The following AK9 variants were observed in gnomAD, a reference collection of about 807,000 sequenced individuals.
The protein encoded by AK9 is adenylate kinase domain containing 1.
A neutral mutation model predicts 239.6 loss-of-function variants in AK9; 191 were observed. The observed-to-expected ratio is 0.80, with a 90% confidence interval of 0.71 to 0.90. The LOEUF (loss-of-function observed/expected upper bound fraction) is 0.90. Among genes scored for constraint, AK9 ranks in the 40% least tolerant of loss-of-function variants. The pLI, the probability that AK9 is intolerant of heterozygous loss-of-function variation, is 0.00. For missense variants in AK9, 1,995 were observed against 2,214.7 expected (o/e 0.90, Z 1.99); for synonymous variants, 689 against 721.0 (o/e 0.96, Z 0.71).
chr6:109,681,693 G>C (rs1772665452), intron 1 of AK9, among the ~76,000 whole-genome samples: 1 of 152,094 alleles, frequency 6.6e-6, no homozygotes, highest in East Asian at 1.9e-4. Flanking sequence ...CACATAATTG[G>C]AAGTAAAACA....
Position 109,612,054 on chromosome 6 carries a change from T to A in AK9, c.1649A>T (p.His550Leu). Residue 550 changes from histidine to leucine, a missense_variant, in exon 16 of 41, where the codon CAT (histidine) becomes CTT (leucine). Coordinates refer to ENST00000424296, the MANE Select transcript of AK9 (RefSeq NM_001145128.3). ...ETGETFTFKRHSQDASQDVKL... is the reference protein window; with the variant it reads ...ETGETFTFKRLSQDASQDVKL... The stretch of plus-strand genomic sequence containing the variant: ...TACATCTTGACTAGCATCTTGAGAA[T>A]GCCTTTTAAATGTGAATGTTTCACC... The A allele has an allele frequency of 6.5e-7, 1 of 1,541,222 alleles. No homozygotes were observed. Among genetic ancestry groups the A allele is most frequent in the South Asian group, 1.2e-5 (1 of 81,890 alleles).
chr6:109,679,334 C>T (rs560060102), intron 1 of AK9, among the ~76,000 whole-genome samples: 2 of 108,434 alleles, frequency 1.8e-5, no homozygotes, highest in East Asian at 4.3e-4. Flanking sequence ...TAAACAAAGC[C>T]TTGGGGAAGT....
chr6:109,594,188 G>A (rs918749582), intron 17 of AK9, among the ~76,000 whole-genome samples: 2 of 152,166 alleles, frequency 1.3e-5, no homozygotes, highest in Non-Finnish European at 2.9e-5. Context: ...CAAAATCAGT[G>A]TGCAAAAATC....
intron 5 of AK9, among the ~76,000 whole-genome samples, chr6:109,666,512 T>C (rs778226800): frequency 2.6e-5 from 4 of 152,186 alleles, no homozygotes; most frequent in East Asian, 1.9e-4. Flanking sequence ...TGTTCTATCA[T>C]AGGCAGACTA....
chr6:109,610,366 T>G lies in AK9; in HGVS notation c.1841A>C (p.Glu614Ala). The change falls in exon 17 of 41, where the codon GAG becomes GCG. Residue 614 changes from glutamate to alanine, a missense_variant and splice_region_variant. By Grantham distance (107) the Glu-to-Ala change is moderately radical (BLOSUM62 -1). Around this residue, in one of 5 missense-constraint regions of AK9, gnomAD observed 1,290 missense variants for 1,392.7 expected, o/e 0.93. Coordinates refer to ENST00000424296, the MANE Select transcript of AK9 (RefSeq NM_001145128.3). Reference protein sequence around the residue: ...HAEILQEVLGEVMEENKDRFP... With the variant: ...HAEILQEVLGAVMEENKDRFP... Reference sequence around the variant, plus strand: ...GAATTGCCCAGCTAGATTTTTTACCTCTCCAAGGACTTCCTGTAAGATTTC... The same window carrying G: ...GAATTGCCCAGCTAGATTTTTTACCGCTCCAAGGACTTCCTGTAAGATTTC... 6.4e-7 allele frequency: 1 copy of G among 1,551,238 alleles called. No individual in the cohort carries two copies. Among genetic ancestry groups the G allele is most frequent in the South Asian group, 1.2e-5 (1 of 83,966 alleles).
chr6:109,570,294 G>C (rs959427177), intron 21 of AK9, among the ~76,000 whole-genome samples: 12 of 151,968 alleles, frequency 7.9e-5, no homozygotes, highest in Admixed American at 3.9e-4. Context: ...GTGGGGGAAG[G>C]GGGGAGGGAT....
rs1373801579 is a variant in AK9, at chr6:109,531,477, C to T, written c.3570+1774G>A. Among the ~76,000 whole-genome samples the T allele has an allele frequency of 4.6e-5, 7 of 152,040 alleles. No individual in the cohort carries two copies. In the East Asian group the frequency reaches 1.3e-3, roughly 29 times the overall value. On this transcript the variant is annotated intron_variant, in intron 28 of 40. Transcript: ENST00000424296. ...TCTAGGATGTGGCTTCATTGCCCTA[C>T]AGCTGTTCTGTCCAGTACAACAGCC...
In AK9 at chr6:109,509,039, T is replaced by C. The variant is rs115562974; in HGVS notation, c.4481+140A>G. On this transcript the variant is annotated intron_variant, in intron 33 of 40. Transcript: ENST00000424296. ...CAGAAAATTCAAATATGTAACCATA[T>C]AGGTGCCCAGAGTTTGAGAGAAGTA... 8.7e-4 allele frequency: 794 copies of C among 913,234 alleles called. 5 individuals carry two copies. In the African/African-American group the frequency reaches 0.012, roughly 14 times the overall value. The allele number at this position is 913,234 out of a possible 1,614,324, so 56.6% of individuals were successfully genotyped here. A position where few individuals can be genotyped will look rare whatever the true frequency, so the allele number is the denominator to read the frequency against.
chr6:109,685,185 T>C (rs1198695565), intron 1 of AK9, among the ~76,000 whole-genome samples: 1 of 152,070 alleles, frequency 6.6e-6, no homozygotes, highest in Admixed American at 6.6e-5. Context: ...TCCTCAAGGA[T>C]CTAGAACCAG....
intron 28 of AK9, among the ~76,000 whole-genome samples, chr6:109,532,148 A>T (rs1413800700): frequency 6.6e-6 from 1 of 152,194 alleles, no homozygotes; most frequent in Non-Finnish European, 1.5e-5. Flanking sequence ...AAATTAATAG[A>T]TGAGCTCTCT....
At chr6:109,525,260 T>C (rs1344075101) in intron 29 of AK9, among the ~76,000 whole-genome samples, 3 of 152,100 alleles carry the variant, frequency 2.0e-5, no homozygotes, top group African/African-American at 7.2e-5. Flanking sequence ...TGGACAAATA[T>C]TTTATGACAA....
rs781266246 is a variant in AK9, at chr6:109,506,429, T to G, written c.4747A>C (p.Ile1583Leu). The G allele has an allele frequency of 1.2e-6, 2 of 1,613,882 alleles. No homozygotes were observed. The highest frequency in any genetic ancestry group is 1.7e-6 in the Non-Finnish European group (2 of 1,179,946). The change falls in exon 35 of 41, where the codon ATT becomes CTT. Residue 1583 changes from isoleucine (I) to leucine (L), a missense_variant. Around this residue, in one of 5 missense-constraint regions of AK9, gnomAD observed 391 missense variants for 456.0 expected, o/e 0.86. Coordinates refer to ENST00000424296, the MANE Select transcript of AK9 (RefSeq NM_001145128.3). ...YQEQHQNWYV[I>L]DGFHSKWWVW... ...CACCATTTGCTGTGAAATCCATCAA[T>G]CACATACCAGTTCTGATGCTGTTCT... is the stretch of plus-strand genomic sequence containing the variant.
intron 8 of AK9, among the ~76,000 whole-genome samples, chr6:109,651,373 G>C (rs891526432): frequency 6.6e-6 from 1 of 152,072 alleles, no homozygotes; most frequent in Non-Finnish European, 1.5e-5. Flanking sequence ...AAACCAATGA[G>C]AACAAAGACA....
rs1359276131 is a variant in AK9 at position 109,612,142 on chromosome 6, G to A, written c.1610-49C>T. 12 of 1,240,714 alleles carry A rather than the reference G, an allele frequency of 9.7e-6. No individual in the cohort carries two copies. The East Asian group carries it at 3.1e-4, about 32-fold the overall frequency. 76.9% of individuals were successfully genotyped at this position (1,240,714 alleles called of 1,614,324 possible). On this transcript the variant is annotated intron_variant, in intron 15 of 40. Coordinates refer to ENST00000424296, the MANE Select transcript of AK9 (RefSeq NM_001145128.3). ...CCTAAAGAACGGTATTAAAAAAAAT[G>A]TAGGTGATTCCCAAGGAAGATTGTA...
At chr6:109,611,279 CAA>C (rs1793548114) in intron 16 of AK9, among the ~76,000 whole-genome samples, 1 of 152,126 alleles carries the variant, frequency 6.6e-6, no homozygotes. Flanking sequence ...TCTCAGGGAT[CAA>C]AAGACTCACA....
intron 17 of AK9, among the ~76,000 whole-genome samples, chr6:109,605,002 T>G (rs1426123543): frequency 6.6e-6 from 1 of 152,230 alleles, no homozygotes; most frequent in African/African-American, 2.4e-5. Flanking sequence ...GCTCCATTGT[T>G]TTTTAGATTA....
chr6:109,670,160 T>C (rs995760376), intron 5 of AK9, among the ~76,000 whole-genome samples: 9 of 152,174 alleles, frequency 5.9e-5, no homozygotes, highest in African/African-American at 2.2e-4. Flanking sequence ...ACTTGAGACA[T>C]ACTAATCACT....
chr6:109,657,603 G>C (rs1335950360), intron 7 of AK9, among the ~76,000 whole-genome samples: 1 of 151,384 alleles, frequency 6.6e-6, no homozygotes, highest in African/African-American at 2.4e-5. Flanking sequence ...ACAACATGCA[G>C]GTTTGTTACA....
intron 27 of AK9, among the ~76,000 whole-genome samples, chr6:109,537,907 G>T (rs943231900): frequency 3.3e-5 from 5 of 152,194 alleles, no homozygotes; most frequent in African/African-American, 7.2e-5. Context: ...CCATGCAGTT[G>T]AGCGGTTTTG....
Sources: gnomAD v4.1 joint callset for allele counts (sites outside exome capture counted in the v4.1 genomes callset) on GRCh38, gnomAD v4.1.1 for gene constraint, gnomAD v4.1.1 regional missense constraint, MANE v1.5 for transcripts, NCBI Gene and HGNC (gene_info 2026-07-23, HGNC 2026-07-21) for gene names.